Variants in MAML3 observed in about 807,000 individuals in gnomAD.
MAML3 encodes the protein mastermind like transcriptional coactivator 3, also known as mastermind-like protein 3.
MAML3 carries 27 observed loss-of-function variants against 101.9 expected under a neutral mutation model. That is an observed-to-expected ratio of 0.27 (90% confidence interval 0.20 to 0.37). The LOEUF is 0.37. MAML3 is among the 10% of genes least tolerant of loss of function. The pLI is 1.00. For synonymous variants in MAML3, 501 were observed against 555.9 expected (o/e 0.90, Z 1.39); for missense variants, 1,316 against 1,444.9 (o/e 0.91, Z 1.45).
intron 1 of MAML3, among the ~76,000 whole-genome samples, chr4:140,122,568 G>A (rs913138418): frequency 4.6e-5 from 7 of 151,758 alleles, no homozygotes; most frequent in African/African-American, 1.5e-4. Flanking sequence ...CGAGGCGGGC[G>A]GATCACGAGG....
At chr4:139,899,278 G>C (rs1173370601) in intron 1 of MAML3, among the ~76,000 whole-genome samples, 1 of 152,088 alleles carries the variant, frequency 6.6e-6, no homozygotes, top group Non-Finnish European at 1.5e-5. Context: ...TACTCTGGGG[G>C]CTCTCATAAA....
At chr4:139,852,403 G>GTTT (rs67349785) in intron 2 of MAML3, among the ~76,000 whole-genome samples, 32 of 68,328 alleles carry the variant, frequency 4.7e-4, no homozygotes, top group South Asian at 6.1e-4. Flanking sequence ...TCAGAAGACT[G>GTTT]TTTTTTTTTT....
At chr4:139,810,465 CA>C (rs1730777145) in intron 2 of MAML3, among the ~76,000 whole-genome samples, 1 of 152,070 alleles carries the variant, frequency 6.6e-6, no homozygotes, top group African/African-American at 2.4e-5. Flanking sequence ...GTTGGAATTA[CA>C]GGCATGGGAC....
chr4:139,958,413 C>A (rs1733949072), intron 1 of MAML3, among the ~76,000 whole-genome samples: 1 of 152,120 alleles, frequency 6.6e-6, no homozygotes, highest in Non-Finnish European at 1.5e-5. Context: ...GGCAGAGTTT[C>A]TATTCTCAAG....
intron 1 of MAML3, among the ~76,000 whole-genome samples, chr4:140,053,944 C>T (rs1400677022): frequency 5.3e-5 from 8 of 152,066 alleles, no homozygotes; most frequent in South Asian, 2.1e-4. Context: ...TCAGAATGTA[C>T]GTCAAGTGGT....
At chr4:139,889,146 A>G in intron 2 of MAML3, 1 of 909,984 alleles carries the variant, frequency 1.1e-6, no homozygotes, top group Non-Finnish European at 1.8e-6. Context: ...AGACACTGAA[A>G]TACACGAAAG....
chr4:140,007,818 A>G (rs1163357592), intron 1 of MAML3, among the ~76,000 whole-genome samples: 2 of 152,322 alleles, frequency 1.3e-5, no homozygotes, highest in East Asian at 1.9e-4. Context: ...TCCATCCACC[A>G]GAACTGCTTC....
intron 1 of MAML3, among the ~76,000 whole-genome samples, chr4:140,117,455 A>G (rs773891857): frequency 6.6e-6 from 1 of 152,190 alleles, no homozygotes; most frequent in African/African-American, 2.4e-5. Flanking sequence ...TATGACTTAC[A>G]GAATATTTAT....
chr4:140,107,985 C>T (rs1284917009), intron 1 of MAML3, among the ~76,000 whole-genome samples: 5 of 151,522 alleles, frequency 3.3e-5, no homozygotes, highest in African/African-American at 4.9e-5. Context: ...AATTAACAAC[C>T]TCTAGCCTGT....
At position 139,769,088 on chromosome 4, in the gene MAML3, G is replaced by GAA. The variant is rs377551114; in HGVS notation, c.2080-38422_2080-38421insTT. On this transcript the variant is annotated intron_variant, in intron 2 of 4. Coordinates refer to ENST00000509479, the MANE Select transcript of MAML3 (RefSeq NM_018717.5). Reference sequence around the variant, plus strand: ...CCTTTTCCAAAGGTCGCCTCCTGGTGTTTACTAAAGGAACTCTGAGTCTCA... The same window carrying GAA: ...CCTTTTCCAAAGGTCGCCTCCTGGTGAATTTACTAAAGGAACTCTGAGTCTCA... Among the ~76,000 whole-genome samples the GAA allele has an allele frequency of 4.4e-3, 674 of 152,316 alleles. 6 individuals carry two copies. The highest frequency in any genetic ancestry group is 0.015 in the African/African-American group (607 of 41,576).
At chr4:139,734,872 G>T (rs1728870957) in intron 2 of MAML3, among the ~76,000 whole-genome samples, 1 of 152,274 alleles carries the variant, frequency 6.6e-6, no homozygotes, top group Non-Finnish European at 1.5e-5. Flanking sequence ...GGGTGACGGG[G>T]ACCCCGTGGA....
At chr4:139,798,799 G>A (rs989284942) in intron 2 of MAML3, among the ~76,000 whole-genome samples, 2 of 152,120 alleles carry the variant, frequency 1.3e-5, no homozygotes, top group East Asian at 3.9e-4. Context: ...AAACAAAATA[G>A]CAAATACTTT....
chr4:140,003,578 G>T (rs1726373442), intron 1 of MAML3, among the ~76,000 whole-genome samples: 1 of 152,154 alleles, frequency 6.6e-6, no homozygotes, highest in Admixed American at 6.5e-5. Context: ...CACTGGCTTT[G>T]TCACAAAGGG....
At chr4:140,110,324 G>A (rs73857932) in intron 1 of MAML3, among the ~76,000 whole-genome samples, 4,997 of 152,322 alleles carry the variant, frequency 0.033, 271 homozygotes, top group African/African-American at 0.11. Context: ...ACAGTGCAAC[G>A]GTTCAGGCAA....
chr4:139,739,720 T>TAAAA (rs59259375), intron 2 of MAML3, among the ~76,000 whole-genome samples: 1 of 134,210 alleles, frequency 7.5e-6, no homozygotes, highest in African/African-American at 2.8e-5. Flanking sequence ...GTGTTAAAAC[T>TAAAA]AAAAAAAAAA....
intron 2 of MAML3, among the ~76,000 whole-genome samples, chr4:139,792,989 G>A (rs983374666): frequency 2.0e-5 from 3 of 151,922 alleles, no homozygotes; most frequent in Admixed American, 6.6e-5. Flanking sequence ...CTTGTGATCC[G>A]CCCGCCTCGG....
rs572847268 is a variant in MAML3, at chr4:140,086,247, T to A, written c.468+66613A>T. ...CCACCATCCGCACATAGGCGCTACC[T>A]CACAAATGTGTCTGGGTAAGACCCT... On this transcript the variant is annotated intron_variant, in intron 1 of 4. Coordinates refer to ENST00000509479, the MANE Select transcript of MAML3 (RefSeq NM_018717.5). Among the ~76,000 whole-genome samples the A allele has an allele frequency of 3.3e-5, 5 of 152,328 alleles. No individual in the cohort carries two copies. In the South Asian group the frequency reaches 8.3e-4, roughly 25 times the overall value.
chr4:139,851,286 G>A (rs551494900), intron 2 of MAML3, among the ~76,000 whole-genome samples: 115 of 152,306 alleles, frequency 7.6e-4, no homozygotes, highest in African/African-American at 2.6e-3. Flanking sequence ...GTCAGCTACC[G>A]GTTTGCCCTG....
intron 2 of MAML3, among the ~76,000 whole-genome samples, chr4:139,759,781 T>G (rs1462706439): frequency 6.6e-6 from 1 of 152,196 alleles, no homozygotes; most frequent in Non-Finnish European, 1.5e-5. Context: ...ATATCGAGAA[T>G]GAATAAATAA....
Sources: allele counts gnomAD v4.1 joint callset (sites outside exome capture counted in the v4.1 genomes callset), GRCh38; gene constraint gnomAD v4.1.1; transcripts MANE v1.5; gene names NCBI Gene and HGNC (gene_info 2026-07-23, HGNC 2026-07-21).